The following WWP1 variants were observed in gnomAD, a reference collection of about 807,000 sequenced individuals.
WWP1 encodes the protein NEDD4-like E3 ubiquitin-protein ligase WWP1.
In WWP1, 49 loss-of-function variants were observed where a neutral mutation model predicts 130.6. The ratio of observed to expected loss-of-function variants is 0.38; its 90% CI spans 0.30 to 0.48. WWP1 has a LOEUF of 0.48. Ranked by LOEUF, WWP1 falls within the 20% of genes least tolerant of loss-of-function variation. The probability of loss-of-function intolerance (pLI) is 0.99; values close to 1 mark genes in which losing one functional copy is unlikely to be tolerated. For synonymous variants in WWP1, 332 were observed against 367.8 expected (o/e 0.90, Z 1.11); for missense variants, 809 against 1,100.6 (o/e 0.74, Z 3.75).
intron 16 of WWP1, among the ~76,000 whole-genome samples, chr8:86,437,880 A>T (rs1179834175): frequency 6.6e-6 from 1 of 152,066 alleles, no homozygotes. Context: ...GCTCACTGCA[A>T]GCTCCACCTC....
intron 8 of WWP1, among the ~76,000 whole-genome samples, chr8:86,404,896 T>C (rs1808189204): frequency 6.6e-6 from 1 of 152,232 alleles, no homozygotes; most frequent in Non-Finnish European, 1.5e-5. Flanking sequence ...TTATAGGATC[T>C]CAAAGCTATG....
chr8:86,425,164 A>AT (rs1809547675), intron 9 of WWP1, 59 bp from the exon 10 acceptor site: 1 of 1,406,808 alleles, frequency 7.1e-7, no homozygotes, highest in Non-Finnish European at 9.8e-7. Context: ...AGGAAGAGTC[A>AT]TTTTTAAGAT....
intron 21 of WWP1, among the ~76,000 whole-genome samples, chr8:86,455,618 C>T (rs945432587): frequency 6.6e-6 from 1 of 151,904 alleles, no homozygotes; most frequent in Admixed American, 6.6e-5. Context: ...GACCTCTATA[C>T]TAAAAACTGA....
intron 5 of WWP1, among the ~76,000 whole-genome samples, chr8:86,386,513 T>C (rs1471908049): frequency 6.6e-6 from 1 of 152,070 alleles, no homozygotes; most frequent in Non-Finnish European, 1.5e-5. Flanking sequence ...GTCTTGACAA[T>C]GATGCAGGCC....
At chr8:86,413,980 A>G (rs578006007) in intron 9 of WWP1, among the ~76,000 whole-genome samples, 2 of 152,318 alleles carry the variant, frequency 1.3e-5, no homozygotes, top group East Asian at 1.9e-4. Flanking sequence ...CAGTAAGTAC[A>G]TAAACCTAAT....
At chr8:86,419,709 A>G (rs113338634) in intron 9 of WWP1, among the ~76,000 whole-genome samples, 2,492 of 152,300 alleles carry the variant, frequency 0.016, 30 homozygotes, top group Non-Finnish European at 0.025. Flanking sequence ...AAGAATAAAC[A>G]CAAATTTCTT....
At chr8:86,440,419 C>T (rs1175547838) in intron 17 of WWP1, among the ~76,000 whole-genome samples, 1 of 152,120 alleles carries the variant, frequency 6.6e-6, no homozygotes, top group Non-Finnish European at 1.5e-5. Flanking sequence ...TACATATAAA[C>T]AACAATTTCA....
rs564569865 is a variant in WWP1 at position 86,407,078 on chromosome 8, A to G, written c.725-4460A>G. ...ATAATGGCTGAAAGTAAGGCTTGGG[A>G]GATGTTCATTCAGAACCCAAGTCAG... On this transcript the variant is annotated intron_variant, in intron 8 of 24. Coordinates refer to ENST00000517970, the MANE Select transcript of WWP1 (RefSeq NM_007013.4). 1.1e-4 allele frequency among the ~76,000 whole-genome samples: 16 copies of G among 152,252 alleles called. No homozygotes were observed. In the South Asian group the frequency reaches 2.9e-3, roughly 28 times the overall value.
At chr8:86,399,601 G>A (rs945579585) in intron 7 of WWP1, among the ~76,000 whole-genome samples, 18 of 152,104 alleles carry the variant, frequency 1.2e-4, no homozygotes, top group Non-Finnish European at 1.6e-4. Flanking sequence ...GAACAGATAA[G>A]TATGCCTTCT....
chr8:86,449,645 T>G (rs1410667184), intron 20 of WWP1, among the ~76,000 whole-genome samples: 2 of 152,234 alleles, frequency 1.3e-5, no homozygotes, highest in African/African-American at 2.4e-5. Flanking sequence ...TAAAATGTAA[T>G]GGGCCTAAAA....
chr8:86,468,336 G>C lies in WWP1; in HGVS notation c.*1443G>C, dbSNP rs974114465. 2.3e-6 allele frequency: 1 copy of C among 444,328 alleles called. No individual in the cohort carries two copies. The highest frequency in any genetic ancestry group is 4.5e-6 in the Non-Finnish European group (1 of 224,108). The allele number at this position is 444,328 out of a possible 1,614,324, so 27.5% of individuals were successfully genotyped here. ...TTCTCCATTTTATTCAGAATTCATA[G>C]TAAAGACGAAAGAAAGGCAGAGATC... On this transcript the variant is annotated 3_prime_UTR_variant, in exon 25 of 25. Coordinates refer to ENST00000517970, the MANE Select transcript of WWP1 (RefSeq NM_007013.4).
At chr8:86,368,796 CA>C (rs1824122603) in intron 1 of WWP1, 142 bp from the exon 2 acceptor site, 1 of 152,160 alleles carries the variant, frequency 6.6e-6, no homozygotes, top group African/African-American at 2.4e-5. Flanking sequence ...GCAGTTCTCT[CA>C]GAGGTTATCT....
intron 17 of WWP1, among the ~76,000 whole-genome samples, chr8:86,441,727 T>C (rs1810601334): frequency 6.6e-6 from 1 of 152,196 alleles, no homozygotes; most frequent in Non-Finnish European, 1.5e-5. Context: ...TTCTTCTTCC[T>C]TAAAACCAAT....
At chr8:86,399,984 A>C (rs1807878928) in intron 7 of WWP1, among the ~76,000 whole-genome samples, 1 of 152,202 alleles carries the variant, frequency 6.6e-6, no homozygotes. Flanking sequence ...CATTAGTCCA[A>C]GTATTAAGAA....
At position 86,439,357 on chromosome 8, in the gene WWP1, A is replaced by AAAAAAAAAAG. The variant is rs1563535117; in HGVS notation, c.1838+684_1838+685insAAAAAAAAAG. On this transcript the variant is annotated intron_variant, in intron 17 of 24. Transcript: ENST00000517970. ...GACGCTGTGTCAAAAAAAAAAAAAA[A>AAAAAAAAAAG]GTTTTTAAAGCTTTTTGTAGAAATG... is the stretch of plus-strand genomic sequence containing the variant. 2.0e-5 allele frequency among the ~76,000 whole-genome samples: 3 copies of AAAAAAAAAAG among 150,206 alleles called. No homozygotes were observed. The East Asian group carries it at 5.9e-4, about 29-fold the overall frequency.
Position 86,411,839 on chromosome 8 carries a change from G to T in WWP1, c.1026G>T (p.Gln342His), listed in dbSNP as rs754944012. The T allele has an allele frequency of 6.2e-7, 1 of 1,611,786 alleles. No individual in the cohort carries two copies. Among genetic ancestry groups the T allele is most frequent in the South Asian group, 1.1e-5 (1 of 90,982 alleles). Reference sequence around the variant, plus strand: ...GGTGTATGGATCCTGTACGGCAGCAGTCTGGGAATGCCAACACAGAAACCT... The same window carrying T: ...GGTGTATGGATCCTGTACGGCAGCATTCTGGGAATGCCAACACAGAAACCT... ...PDGCMDPVRQ[Q>H]SGNANTETLP... The change falls in exon 9 of 25, where the codon CAG (glutamine) becomes CAT (histidine). Residue 342 changes from glutamine to histidine, a missense_variant. Physicochemically the swap from Gln to His is conservative, Grantham distance 24. This residue lies in a region of WWP1 where 97 missense variants were observed against 80.4 expected (regional missense o/e 1.21). Coordinates refer to ENST00000517970, the MANE Select transcript of WWP1 (RefSeq NM_007013.4).
intron 5 of WWP1, among the ~76,000 whole-genome samples, chr8:86,397,088 A>C (rs918790707): frequency 6.6e-6 from 1 of 152,160 alleles, no homozygotes; most frequent in African/African-American, 2.4e-5. Flanking sequence ...TTTTCTGTAC[A>C]TAGATAACTT....
At chr8:86,374,889 T>A (rs560389843) in intron 3 of WWP1, among the ~76,000 whole-genome samples, 87 of 151,914 alleles carry the variant, frequency 5.7e-4, no homozygotes, top group African/African-American at 1.5e-3. Context: ...TAAAAAAAAA[T>A]TTTTTTAGAG....
At chr8:86,428,088 A>T (rs1467738231) in intron 11 of WWP1, among the ~76,000 whole-genome samples, 2 of 152,150 alleles carry the variant, frequency 1.3e-5, no homozygotes, top group Non-Finnish European at 2.9e-5. Flanking sequence ...TCATAAATGC[A>T]TTTCTTAACA....
Sources: gnomAD v4.1 joint callset for allele counts (sites outside exome capture counted in the v4.1 genomes callset) on GRCh38, gnomAD v4.1.1 for gene constraint, gnomAD v4.1.1 regional missense constraint, MANE v1.5 for transcripts, NCBI Gene and HGNC (gene_info 2026-07-23, HGNC 2026-07-21) for gene names.